TNFRSF11A: variants seen among roughly 807,000 people sequenced by gnomAD.
TNFRSF11A encodes the protein tumor necrosis factor receptor superfamily member 11A.
Under a neutral mutation model 55.7 loss-of-function variants are expected in TNFRSF11A, and 32 were observed. The observed-to-expected ratio is 0.57, with a 90% confidence interval of 0.43 to 0.77. The LOEUF is 0.77. TNFRSF11A is among the 30% of genes least tolerant of loss of function. TNFRSF11A has a pLI of 0.00. For missense variants in TNFRSF11A, 753 were observed against 809.8 expected (o/e 0.93, Z 0.85); for synonymous variants, 311 against 331.0 (o/e 0.94, Z 0.65).
Position 62,369,444 on chromosome 18 carries a change from C to T in TNFRSF11A, c.1527C>T (p.Ala509=), listed in dbSNP as rs758257326. ...GRLPSSARAG[A]GSGSSPGGQS... is the part of the protein sequence containing the mutation. ...TCCCAAGCTCAGCGAGGGCAGGTGCCGGGTCTGGAAGCTCCCCTGGTGGCC... is the reference window on the plus strand; with the variant it reads ...TCCCAAGCTCAGCGAGGGCAGGTGCTGGGTCTGGAAGCTCCCCTGGTGGCC... The change falls in exon 9 of 10, where the codon GCC becomes GCT. Residue 509 remains alanine (A), a synonymous_variant. Transcript: ENST00000586569. 7.5e-6 allele frequency: 12 copies of T among 1,610,096 alleles called. No individual in the cohort carries two copies. The highest frequency in any genetic ancestry group is 1.7e-4 in the Middle Eastern group (1 of 5,862).
rs963293975 is a variant in TNFRSF11A, at chr18:62,388,497, T to C, written c.*3463T>C. On this transcript the variant is annotated 3_prime_UTR_variant, in exon 10 of 10. Coordinates refer to ENST00000586569, the MANE Select transcript of TNFRSF11A (RefSeq NM_003839.4). ...GGGGGTGGACACACAGAGGGGAAGA[T>C]GGCCCCCTTGCCATCTGTCCACCAC... 6.6e-6 allele frequency: 1 copy of C among 152,242 alleles called. No individual in the cohort carries two copies. Among genetic ancestry groups the C allele is most frequent in the African/African-American group, 2.4e-5 (1 of 41,450 alleles). 9.4% of individuals were successfully genotyped at this position (152,242 alleles called of 1,614,324 possible).
At chr18:62,339,127 T>C (rs1366993368) in intron 1 of TNFRSF11A, among the ~76,000 whole-genome samples, 1 of 152,214 alleles carries the variant, frequency 6.6e-6, no homozygotes, top group East Asian at 1.9e-4. Context: ...ATATGTTTCA[T>C]GGTGCTGCTA....
rs534117915 is a variant in TNFRSF11A at position 62,383,706 on chromosome 18, C to T, written c.1568-1045C>T. ...TGTTTGTTTTTCAAAAGGCCCGTTG[C>T]TGAAAGACTGGCCACATCTAGTCAC... On this transcript the variant is annotated intron_variant, in intron 9 of 9. Coordinates refer to ENST00000586569, the MANE Select transcript of TNFRSF11A (RefSeq NM_003839.4). The surrounding 1 kb of genome is among the most constrained non-coding windows in gnomAD (Gnocchi z 4.2). Among the ~76,000 whole-genome samples the T allele has an allele frequency of 3.9e-5, 6 of 152,228 alleles. No individual in the cohort carries two copies. Among genetic ancestry groups the T allele is most frequent in the African/African-American group, 1.4e-4 (6 of 41,530 alleles).
intron 1 of TNFRSF11A, among the ~76,000 whole-genome samples, chr18:62,340,365 C>T (rs1408053493): frequency 6.6e-6 from 1 of 151,892 alleles, no homozygotes; most frequent in Non-Finnish European, 1.5e-5. Context: ...TCCACAGGCA[C>T]ACGCTACCAC....
intron 2 of TNFRSF11A, among the ~76,000 whole-genome samples, chr18:62,349,203 G>A (rs142575143): frequency 6.7e-6 from 1 of 150,006 alleles, no homozygotes; most frequent in African/African-American, 2.5e-5. Context: ...TTGAGATGGG[G>A]TCTTGCTCTG....
chr18:62,379,318 C>CAGA (rs1911107927), intron 9 of TNFRSF11A, among the ~76,000 whole-genome samples: 6 of 152,356 alleles, frequency 3.9e-5, no homozygotes, highest in Admixed American at 1.3e-4. Context: ...ATTCACAACT[C>CAGA]TTGGGTCACT....
intron 7 of TNFRSF11A, among the ~76,000 whole-genome samples, chr18:62,362,490 CAAAAAAA>C (rs57219485): frequency 5.3e-5 from 4 of 75,872 alleles, no homozygotes; most frequent in Non-Finnish European, 9.6e-5. Flanking sequence ...AACTTCATCT[CAAAAAAA>C]AAAAAAAAAA....
intron 1 of TNFRSF11A, among the ~76,000 whole-genome samples, chr18:62,342,959 A>C (rs1027032304): frequency 6.6e-6 from 1 of 152,236 alleles, no homozygotes; most frequent in Non-Finnish European, 1.5e-5. Flanking sequence ...GTCTTATTTA[A>C]AGAAGCTCTT....
At position 62,388,768 on chromosome 18, in the gene TNFRSF11A, C is replaced by T. The variant is rs1359966370; in HGVS notation, c.*3734C>T. ...GAGCCTACTGTACTGCTTCCACATT[C>T]CTTTGGCACAGAAAACTGAAAAGTC... On this transcript the variant is annotated 3_prime_UTR_variant, in exon 10 of 10. Coordinates refer to ENST00000586569, the MANE Select transcript of TNFRSF11A (RefSeq NM_003839.4). The T allele has an allele frequency of 1.3e-5, 2 of 152,240 alleles. No homozygotes were observed. Among genetic ancestry groups the T allele is most frequent in the African/African-American group, 2.4e-5 (1 of 41,462 alleles). The allele number at this position is 152,240 out of a possible 1,614,324, so 9.4% of individuals were successfully genotyped here.
At chr18:62,336,061 A>AT (rs1341401160) in intron 1 of TNFRSF11A, among the ~76,000 whole-genome samples, 4 of 152,188 alleles carry the variant, frequency 2.6e-5, no homozygotes, top group African/African-American at 9.7e-5. Context: ...CTATACCCCC[A>AT]TTCATCAATA....
chr18:62,325,757 C>A lies in TNFRSF11A; in HGVS notation c.75+330C>A, dbSNP rs116487658. Among the ~76,000 whole-genome samples the A allele has an allele frequency of 7.9e-5, 12 of 152,140 alleles. No individual in the cohort carries two copies. Among genetic ancestry groups the A allele is most frequent in the Non-Finnish European group, 1.5e-4 (10 of 68,024 alleles). ...TTCTTGAGCACCTACTAAGCGCTTGCGCCGGGCGGTGCCGCGGGAGACAGC... is the reference window on the plus strand; with the variant it reads ...TTCTTGAGCACCTACTAAGCGCTTGAGCCGGGCGGTGCCGCGGGAGACAGC... On this transcript the variant is annotated intron_variant, in intron 1 of 9. Transcript: ENST00000586569. This position sits in a 1 kb window ranked among gnomAD's most constrained non-coding sequence, Gnocchi z 4.7.
At chr18:62,368,328 G>A (rs555453950) in intron 8 of TNFRSF11A, among the ~76,000 whole-genome samples, 18 of 152,196 alleles carry the variant, frequency 1.2e-4, no homozygotes, top group Non-Finnish European at 2.4e-4. Flanking sequence ...GCATACCACA[G>A]TGATACACAG....
chr18:62,375,085 G>GTT (rs1280672002), intron 9 of TNFRSF11A, among the ~76,000 whole-genome samples: 4 of 57,972 alleles, frequency 6.9e-5, no homozygotes, highest in Non-Finnish European at 9.3e-5. Flanking sequence ...TTGTGTGTGT[G>GTT]TTTTTTTTTT....
chr18:62,350,380 C>T (rs1339513722), intron 3 of TNFRSF11A, among the ~76,000 whole-genome samples: 1 of 152,164 alleles, frequency 6.6e-6, no homozygotes, highest in African/African-American at 2.4e-5. Flanking sequence ...GCAAGCTCTG[C>T]CTCCCAGGTT....
In TNFRSF11A at chr18:62,354,483, T is replaced by C. The variant is rs779663113; in HGVS notation, c.376T>C (p.Cys126Arg). 1 of 1,601,728 alleles carries C rather than the reference T, an allele frequency of 6.2e-7. No homozygotes were observed. Among genetic ancestry groups the C allele is most frequent in the Non-Finnish European group, 8.5e-7 (1 of 1,179,176 alleles). ...AGYHWSQDCE[C>R]CRRNTECAPG... The stretch of plus-strand genomic sequence containing the variant: ...GTACCACTGGAGCCAGGACTGCGAG[T>C]GCTGCCGCCGCAACACCGAGTGCGC... The change falls in exon 4 of 10, where the codon TGC becomes CGC. Residue 126 changes from cysteine to arginine, a missense_variant. Transcript: ENST00000586569.
intron 9 of TNFRSF11A, among the ~76,000 whole-genome samples, chr18:62,378,500 T>C (rs1911049221): frequency 6.6e-6 from 1 of 152,244 alleles, no homozygotes; most frequent in Admixed American, 6.5e-5. Context: ...AAGATAATAC[T>C]ACTCTTCAGT....
chr18:62,384,997 C>A lies in TNFRSF11A; in HGVS notation c.1814C>A (p.Ser605Ter). The change falls in exon 10 of 10, where the codon TCG becomes TAG. Residue 605 changes from serine (S) to a stop codon, truncating the protein, a stop_gained. Coordinates refer to ENST00000586569, the MANE Select transcript of TNFRSF11A (RefSeq NM_003839.4). LOFTEE classifies it high-confidence loss of function. ...PEGLREPEKA[S>*]RPVQEQGGAK... ...GGGCTGCGGGAGCCGGAGAAGGCCT[C>A]GAGGCCGGTGCAGGAGCAAGGCGGG... 1.4e-6 allele frequency: 2 copies of A among 1,475,886 alleles called. No individual in the cohort carries two copies. The highest frequency in any genetic ancestry group is 1.8e-6 in the Non-Finnish European group (2 of 1,123,540). The allele number at this position is 1,475,886 out of a possible 1,614,324, so 91.4% of individuals were successfully genotyped here.
chr18:62,367,572 C>T (rs1910179328), intron 8 of TNFRSF11A: 1 of 152,140 alleles, frequency 6.6e-6, no homozygotes, highest in South Asian at 2.1e-4. Flanking sequence ...CTTCTTGAAT[C>T]ATTTTACAGT....
At chr18:62,353,727 G>GTA (rs1909016616) in intron 3 of TNFRSF11A, among the ~76,000 whole-genome samples, 2 of 152,162 alleles carry the variant, frequency 1.3e-5, no homozygotes, top group Admixed American at 6.5e-5. Flanking sequence ...GTGTGTGTGT[G>GTA]TGTAGTTTAC....
Sources: allele counts gnomAD v4.1 joint callset (sites outside exome capture counted in the v4.1 genomes callset), GRCh38; gene constraint gnomAD v4.1.1; non-coding constraint Gnocchi (gnomAD v3.1); transcripts MANE v1.5; gene names NCBI Gene and HGNC (gene_info 2026-07-23, HGNC 2026-07-21).